DAB2: variants seen among roughly 807,000 people sequenced by gnomAD.
The protein encoded by DAB2 is DAB adaptor protein 2, also known as disabled homolog 2.
Under a neutral mutation model 71.6 loss-of-function variants are expected in DAB2, and 28 were observed. That is an observed-to-expected ratio of 0.39 (90% CI 0.29 to 0.54). The LOEUF is 0.54. Among genes scored for constraint, DAB2 ranks in the 20% least tolerant of loss-of-function variants. The pLI, the probability that DAB2 is intolerant of heterozygous loss-of-function variation, is 0.68. For missense variants in DAB2, 867 were observed against 928.8 expected (o/e 0.93, Z 0.86); for synonymous variants, 345 against 339.7 (o/e 1.02, Z -0.17).
At chr5:39,399,257 T>A (rs1755444540) in intron 1 of DAB2, among the ~76,000 whole-genome samples, 1 of 152,050 alleles carries the variant, frequency 6.6e-6, no homozygotes, top group Admixed American at 6.5e-5. Flanking sequence ...AGTCAGGAAA[T>A]ACACCCAAGG....
At position 39,376,781 on chromosome 5, in the gene DAB2, C is replaced by T. The variant is rs201522659; in HGVS notation, c.2006G>A (p.Arg669Gln). 4.2e-5 allele frequency: 68 copies of T among 1,614,132 alleles called. No homozygotes were observed. The Middle Eastern group carries it at 8.2e-4, about 20-fold the overall frequency. The change falls in exon 12 of 15, where the codon CGG becomes CAG. Residue 669 changes from arginine to glutamine, a missense_variant. By Grantham distance (43) the Arg-to-Gln change is conservative. Coordinates refer to ENST00000320816, the MANE Select transcript of DAB2 (RefSeq NM_001343.4). ...QLRQPPAVPARKGEQTSSGTL... is the reference protein window; with the variant it reads ...QLRQPPAVPAQKGEQTSSGTL... ...CCCAGAAGAAGTCTGCTCTCCCTTC[C>T]GCGCGGGCACAGCAGGTGGCTGCCG...
rs1754746635 is a variant in DAB2, at chr5:39,373,373, T to G, written c.*58A>C. 1 of 152,556 alleles carries G rather than the reference T, an allele frequency of 6.6e-6. No individual in the cohort carries two copies. Among genetic ancestry groups the G allele is most frequent in the Non-Finnish European group, 1.5e-5 (1 of 68,028 alleles). The allele number at this position is 152,556 out of a possible 1,614,324, so 9.5% of individuals were successfully genotyped here. A position where few individuals can be genotyped will look rare whatever the true frequency, so the allele number is the denominator to read the frequency against. ...CGTGTCTGGCTATCAGCTTTGTTTT[T>G]GACTACTAAGGCCAACCTTTTTATT... On this transcript the variant is annotated 3_prime_UTR_variant, in exon 15 of 15. Transcript: ENST00000320816.
At chr5:39,380,334 G>A (rs1173221138) in intron 11 of DAB2, among the ~76,000 whole-genome samples, 1 of 152,120 alleles carries the variant, frequency 6.6e-6, no homozygotes, top group Non-Finnish European at 1.5e-5. Context: ...CAGATTTCTT[G>A]TAAAAGAACC....
chr5:39,376,018 AG>A lies in DAB2; in HGVS notation c.2225del (p.Ser742PhefsTer32), dbSNP rs1285361905. ...TTACAGAGGCTTGTGATGAACCAAA[AG>A]AATCTTTAAAGAAAGGGTTCTCAAA... is the stretch of plus-strand genomic sequence containing the variant. ...NAFENPFFKD[S>X]FGSSQASVAS... On this transcript the variant is annotated frameshift_variant, in exon 13 of 15. Transcript: ENST00000320816. LOFTEE classifies it high-confidence loss of function. 1 of 1,614,084 alleles carries A rather than the reference AG, an allele frequency of 6.2e-7. No homozygotes were observed. Among genetic ancestry groups the A allele is most frequent in the Admixed American group, 1.7e-5 (1 of 60,014 alleles).
rs374337474 is a variant in DAB2 at position 39,382,797 on chromosome 5, C to T, written c.1162G>A (p.Gly388Ser). ...TTCGGGGAGGATTTGACAGAGAAGC[C>T]GTTCTGTTCTCTTTCAGATACCCCA... ...QNGVSEREQN[G>S]FSVKSSPNPF... The change falls in exon 10 of 15, where the codon GGC (glycine) becomes AGC (serine). Residue 388 changes from glycine (G) to serine (S), a missense_variant. This residue lies in a region of DAB2 where 740 missense variants were observed against 734.3 expected (regional missense o/e 1.01). Coordinates refer to ENST00000320816, the MANE Select transcript of DAB2 (RefSeq NM_001343.4). 7.4e-6 allele frequency: 12 copies of T among 1,613,994 alleles called. No homozygotes were observed. Among genetic ancestry groups the T allele is most frequent in the East Asian group, 6.7e-5 (3 of 44,890 alleles).
chr5:39,423,243 G>A (rs1756029250), intron 1 of DAB2, among the ~76,000 whole-genome samples: 1 of 21,284 alleles, frequency 4.7e-5, no homozygotes, highest in African/African-American at 2.4e-4. Context: ...AACTGACTAA[G>A]GATTTGGAAG....
intron 3 of DAB2, among the ~76,000 whole-genome samples, 192 bp downstream of exon 3, chr5:39,393,062 T>G (rs1291930995): frequency 6.6e-6 from 1 of 152,198 alleles, no homozygotes; most frequent in Non-Finnish European, 1.5e-5. Context: ...CTTGATAAAA[T>G]TAGGTATCTA....
chr5:39,374,917 C>A lies in DAB2; in HGVS notation c.*5+97G>T, dbSNP rs776214246. 7 of 795,024 alleles carry A rather than the reference C, an allele frequency of 8.8e-6. No homozygotes were observed. The South Asian group carries it at 9.0e-5, about 10-fold the overall frequency. 49.2% of individuals were successfully genotyped at this position (795,024 alleles called of 1,614,324 possible). ...TACTCCTAAATTATAGATATTTACC[C>A]TCTTCCCAATTCTAAAATTAAAATT... On this transcript the variant is annotated intron_variant, in intron 14 of 14. Coordinates refer to ENST00000320816, the MANE Select transcript of DAB2 (RefSeq NM_001343.4).
intron 11 of DAB2, among the ~76,000 whole-genome samples, chr5:39,377,787 T>G (rs562839417): frequency 6.6e-6 from 1 of 152,182 alleles, no homozygotes; most frequent in Non-Finnish European, 1.5e-5. Flanking sequence ...TGGAGTCTTA[T>G]GGAAACCAGC....
chr5:39,406,289 G>A (rs1001730080), intron 1 of DAB2, among the ~76,000 whole-genome samples: 2 of 152,170 alleles, frequency 1.3e-5, no homozygotes, highest in Non-Finnish European at 1.5e-5. Context: ...GCTGGTGGGT[G>A]GCATGCATTA....
At chr5:39,378,435 T>C (rs1754882326) in intron 11 of DAB2, among the ~76,000 whole-genome samples, 1 of 152,244 alleles carries the variant, frequency 6.6e-6, no homozygotes, top group African/African-American at 2.4e-5. Flanking sequence ...TTATGAAAGT[T>C]TTCTTCAGAC....
At chr5:39,402,384 A>C (rs987235091) in intron 1 of DAB2, among the ~76,000 whole-genome samples, 7 of 152,172 alleles carry the variant, frequency 4.6e-5, no homozygotes, top group African/African-American at 1.7e-4. Flanking sequence ...TCAAATGACT[A>C]ATAAGTGGAA....
intron 14 of DAB2, among the ~76,000 whole-genome samples, chr5:39,374,177 A>T (rs545826410): frequency 2.6e-5 from 4 of 152,116 alleles, no homozygotes; most frequent in Admixed American, 1.3e-4. Context: ...TTTGGATGAG[A>T]CAAGATTGGA....
chr5:39,404,644 T>A (rs1216893978), intron 1 of DAB2, among the ~76,000 whole-genome samples: 1 of 151,852 alleles, frequency 6.6e-6, no homozygotes, highest in Non-Finnish European at 1.5e-5. Flanking sequence ...AGTGGCATGA[T>A]CTCAGCTCAC....
chr5:39,412,638 G>A (rs577481888), intron 1 of DAB2, among the ~76,000 whole-genome samples: 10 of 152,100 alleles, frequency 6.6e-5, no homozygotes, highest in Non-Finnish European at 1.5e-4. Context: ...TCCTGGACAT[G>A]TTCCTTAGAA....
intron 5 of DAB2, 124 bp from the exon 6 acceptor site, chr5:39,390,056 G>T (rs1755190531): frequency 2.9e-6 from 2 of 697,498 alleles, no homozygotes; most frequent in Non-Finnish European, 4.7e-6. Flanking sequence ...ACTACCCTCT[G>T]CTGGCTTATA....
chr5:39,374,497 G>C (rs1754771594), intron 14 of DAB2, among the ~76,000 whole-genome samples: 1 of 152,206 alleles, frequency 6.6e-6, no homozygotes, highest in African/African-American at 2.4e-5. Context: ...ATCTTTAATA[G>C]TTGTTAAAAC....
intron 1 of DAB2, among the ~76,000 whole-genome samples, chr5:39,405,479 G>A (rs1755590321): frequency 2.6e-5 from 4 of 152,184 alleles, no homozygotes. Context: ...TTCTGTCATT[G>A]CCTTACATTG....
chr5:39,418,314 T>C (rs1020113605), intron 1 of DAB2: 1 of 152,210 alleles, frequency 6.6e-6, no homozygotes, highest in African/African-American at 2.4e-5. Flanking sequence ...CTCTGACATA[T>C]GTTCAAACAC....
Sources: allele counts gnomAD v4.1 joint callset (sites outside exome capture counted in the v4.1 genomes callset), GRCh38; gene constraint gnomAD v4.1.1; regional missense constraint gnomAD v4.1.1; transcripts MANE v1.5; gene names NCBI Gene and HGNC (gene_info 2026-07-23, HGNC 2026-07-21).